The following OCIAD1 variants were observed in gnomAD, a reference collection of about 807,000 sequenced individuals.
OCIAD1 encodes the protein OCIA domain containing 1.
In OCIAD1, 29 loss-of-function variants were observed where a neutral mutation model predicts 38.9. That is an observed-to-expected ratio of 0.74 (90% CI 0.55 to 1.02). OCIAD1 has a LOEUF of 1.02. Among genes scored for constraint, OCIAD1 ranks in the 50% least tolerant of loss-of-function variants. OCIAD1 has a pLI of 0.00. For synonymous variants in OCIAD1, 110 were observed against 92.0 expected (o/e 1.20, Z -1.12); for missense variants, 288 against 289.6 (o/e 0.99, Z 0.04).
intron 4 of OCIAD1, 82 bp downstream of exon 4, chr4:48,842,771 T>A: frequency 1.3e-6 from 1 of 750,946 alleles, no homozygotes; most frequent in Non-Finnish European, 2.2e-6. Context: ...TTAGAAAAAG[T>A]AAAGATAACA....
At chr4:48,829,284 T>C (rs746683862), upstream of OCIAD1, among the ~76,000 whole-genome samples, 11 of 152,124 alleles carry the variant, frequency 7.2e-5, no homozygotes, top group Non-Finnish European at 1.3e-4. Context: ...CAAAAAACTT[T>C]GCTTTAACAT....
At chr4:48,858,755 T>G (rs78902637) in intron 8 of OCIAD1, among the ~76,000 whole-genome samples, 3,009 of 152,340 alleles carry the variant, frequency 0.02, 36 homozygotes, top group Middle Eastern at 0.037. Context: ...GTGCCTGACC[T>G]TTCTTGTACA....
intron 4 of OCIAD1, 58 bp from the exon 5 acceptor site, chr4:48,848,341 T>C: frequency 1.2e-6 from 1 of 807,640 alleles, no homozygotes; most frequent in Non-Finnish European, 2.1e-6. Flanking sequence ...AAGATAGCCT[T>C]TACTGATTTT....
chr4:48,809,281 G>A (rs1010249191), intron 1 of OCIAD1, among the ~76,000 whole-genome samples: 1 of 152,156 alleles, frequency 6.6e-6, no homozygotes, highest in African/African-American at 2.4e-5. Context: ...CAGCATTTTG[G>A]GAGGCCAAGG....
intron 1 of OCIAD1, among the ~76,000 whole-genome samples, chr4:48,811,716 A>G (rs562602897): frequency 6.6e-5 from 10 of 152,350 alleles, no homozygotes; most frequent in African/African-American, 2.4e-4. Flanking sequence ...GATAAATCCA[A>G]TAGGAGTCAC....
intron 1 of OCIAD1, among the ~76,000 whole-genome samples, chr4:48,824,544 CTTA>C (rs146978409): frequency 6.0e-5 from 9 of 150,732 alleles, no homozygotes; most frequent in East Asian, 2.0e-4. Context: ...GCACACCCAC[CTTA>C]TTATTATTAT....
intron 1 of OCIAD1, among the ~76,000 whole-genome samples, chr4:48,813,292 A>T (rs1396080670): frequency 6.6e-6 from 1 of 152,238 alleles, no homozygotes; most frequent in African/African-American, 2.4e-5. Flanking sequence ...AAGAATCAGT[A>T]TTGTGGGCAA....
upstream of OCIAD1, among the ~76,000 whole-genome samples, chr4:48,827,909 G>C (rs1279484288): frequency 6.6e-6 from 1 of 152,220 alleles, no homozygotes; most frequent in Non-Finnish European, 1.5e-5. Flanking sequence ...GCACCAATCA[G>C]CACTCTGTGT....
rs1299054060 is a variant in OCIAD1 at position 48,815,827 on chromosome 4, A to G, written c.-103+10497A>G. On this transcript the variant is annotated intron_variant, in intron 1 of 6. Coordinates refer to the OCIAD1 transcript ENST00000504654. ...TGTGGCCAAGGCATAAATTCATTGA[A>G]TATGAAATATTTACATTCCACCATC... 2.0e-5 allele frequency among the ~76,000 whole-genome samples: 3 copies of G among 152,212 alleles called. No homozygotes were observed. In the East Asian group the frequency reaches 5.8e-4, roughly 29 times the overall value.
At chr4:48,808,392 C>G (rs1777051542) in intron 1 of OCIAD1, among the ~76,000 whole-genome samples, 1 of 152,022 alleles carries the variant, frequency 6.6e-6, no homozygotes, top group Non-Finnish European at 1.5e-5. Context: ...ACTACCTGAG[C>G]CTGAGAGTCT....
At chr4:48,805,192 A>G (rs1468794550), upstream of OCIAD1, 3 of 152,190 alleles carry the variant, frequency 2.0e-5, no homozygotes, top group Admixed American at 6.5e-5. Context: ...GATCATGAGG[A>G]CACTCAACCA....
intron 1 of OCIAD1, among the ~76,000 whole-genome samples, chr4:48,810,289 G>A (rs191428364): frequency 6.6e-6 from 1 of 151,860 alleles, no homozygotes; most frequent in Non-Finnish European, 1.5e-5. Flanking sequence ...CTAACACGGT[G>A]AAAACCCGTC....
intron 1 of OCIAD1, among the ~76,000 whole-genome samples, chr4:48,824,981 C>G (rs1309002945): frequency 6.6e-6 from 1 of 152,182 alleles, no homozygotes; most frequent in Non-Finnish European, 1.5e-5. Context: ...AATGACCTGC[C>G]CACCTTGGCA....
At chr4:48,838,202 C>G (rs1778176586) in intron 3 of OCIAD1, among the ~76,000 whole-genome samples, 1 of 151,776 alleles carries the variant, frequency 6.6e-6, no homozygotes, top group African/African-American at 2.4e-5. Flanking sequence ...CCTGTAATTC[C>G]AGCTACTCGA....
intron 1 of OCIAD1, among the ~76,000 whole-genome samples, chr4:48,820,437 C>A (rs1017282070): frequency 6.6e-6 from 1 of 152,182 alleles, no homozygotes; most frequent in Non-Finnish European, 1.5e-5. Flanking sequence ...TTAATGCCCA[C>A]AACAGAAAGC....
chr4:48,854,667 G>GCCAT (rs962278350), intron 7 of OCIAD1, among the ~76,000 whole-genome samples: 1 of 152,150 alleles, frequency 6.6e-6, no homozygotes, highest in Non-Finnish European at 1.5e-5. Context: ...TTCCACAGCA[G>GCCAT]CCATCCATCC....
At chr4:48,831,700 G>A (rs960613142) in intron 1 of OCIAD1, among the ~76,000 whole-genome samples, 2 of 152,212 alleles carry the variant, frequency 1.3e-5, no homozygotes, top group Admixed American at 6.5e-5. Flanking sequence ...TCATACGGTT[G>A]TAGGGTAAAG....
At chr4:48,859,155 G>A (rs1306120538) in intron 8 of OCIAD1, among the ~76,000 whole-genome samples, 5 of 151,842 alleles carry the variant, frequency 3.3e-5, no homozygotes, top group African/African-American at 4.8e-5. Context: ...AATCATTAGC[G>A]GTTGCTTCGT....
intron 1 of OCIAD1, among the ~76,000 whole-genome samples, chr4:48,806,811 G>A (rs534002061): frequency 3.9e-5 from 6 of 152,168 alleles, no homozygotes; most frequent in East Asian, 1.9e-4. Context: ...TCACCATGTC[G>A]GCCAGGATGG....
Sources: allele counts gnomAD v4.1 joint callset (sites outside exome capture counted in the v4.1 genomes callset), GRCh38; gene constraint gnomAD v4.1.1; transcripts MANE v1.5; gene names NCBI Gene and HGNC (gene_info 2026-07-23, HGNC 2026-07-21).